The following ICAM1 variants were observed in gnomAD, a reference collection of about 807,000 sequenced individuals.
ICAM1 encodes intercellular adhesion molecule 1.
In ICAM1, 28 loss-of-function variants were observed where a neutral mutation model predicts 42.3. The observed-to-expected ratio is 0.66, with a 90% CI of 0.49 to 0.91. The LOEUF (loss-of-function observed/expected upper bound fraction) is 0.91, where lower values mean the gene tolerates loss of function less well. Among genes scored for constraint, ICAM1 ranks in the 40% least tolerant of loss-of-function variants. The probability of loss-of-function intolerance (pLI) is 0.00; values close to 1 mark genes in which losing one functional copy is unlikely to be tolerated. For missense variants in ICAM1, 637 were observed against 688.6 expected (o/e 0.93, Z 0.84); for synonymous variants, 304 against 305.9 (o/e 0.99, Z 0.07).
Position 10,274,975 on chromosome 19 carries a change from A to G in ICAM1, c.278A>G (p.Tyr93Cys). The G allele has an allele frequency of 1.2e-6, 2 of 1,614,208 alleles. No individual in the cohort carries two copies. Among genetic ancestry groups the G allele is most frequent in the Non-Finnish European group, 8.5e-7 (1 of 1,180,036 alleles). ...NVQEDSQPMC[Y>C]SNCPDGQSTA... is the part of the protein sequence containing the mutation. ...CAAGAAGATAGCCAACCAATGTGCT[A>G]TTCAAACTGCCCTGATGGGCAGTCA... is the stretch of plus-strand genomic sequence containing the variant. The change falls in exon 2 of 7, where the codon TAT becomes TGT. Residue 93 changes from tyrosine (Y) to cysteine (C), a missense_variant. Tyr to Cys is a radical substitution (Grantham distance 194). Transcript: ENST00000264832.
intron 2 of ICAM1, 26 bp downstream of exon 2, chr19:10,275,054 G>T: frequency 6.2e-7 from 1 of 1,609,054 alleles, no homozygotes; most frequent in South Asian, 1.1e-5. Flanking sequence ...CGGAGGGCTG[G>T]ACTAGGCAGA....
intron 1 of ICAM1, among the ~76,000 whole-genome samples, chr19:10,273,352 C>T (rs1256257365): frequency 2.6e-5 from 4 of 151,916 alleles, no homozygotes; most frequent in African/African-American, 4.8e-5. Context: ...ATTACCCGGG[C>T]GTGGTGGCGC....
Position 10,274,983 on chromosome 19 carries a change from T to G in ICAM1, c.286T>G (p.Cys96Gly), listed in dbSNP as rs1375741840. 1 of 1,614,176 alleles carries G rather than the reference T, an allele frequency of 6.2e-7. No individual in the cohort carries two copies. Among genetic ancestry groups the G allele is most frequent in the South Asian group, 1.1e-5 (1 of 91,090 alleles). The part of the protein sequence containing the change: ...EDSQPMCYSN[C>G]PDGQSTAKTF... ...TAGCCAACCAATGTGCTATTCAAACTGCCCTGATGGGCAGTCAACAGCTAA... is the reference window on the plus strand; with the variant it reads ...TAGCCAACCAATGTGCTATTCAAACGGCCCTGATGGGCAGTCAACAGCTAA... The change falls in exon 2 of 7, where the codon TGC becomes GGC. Residue 96 changes from cysteine (C) to glycine (G), a missense_variant. By Grantham distance (159) the Cys-to-Gly change is radical. Transcript: ENST00000264832.
chr19:10,281,880 A>G (rs958347406), intron 2 of ICAM1, among the ~76,000 whole-genome samples: 3 of 152,020 alleles, frequency 2.0e-5, no homozygotes, highest in Non-Finnish European at 4.4e-5. Context: ...AGCTGGGACT[A>G]CAGGCACACA....
chr19:10,284,606 G>A lies in ICAM1; in HGVS notation c.1129G>A (p.Val377Met), dbSNP rs766445571. Reference protein sequence around the residue: ...RSFSCSATLEVAGQLIHKNQT... With the variant: ...RSFSCSATLEMAGQLIHKNQT... The stretch of plus-strand genomic sequence containing the variant: ...CTTCTCCTGCTCTGCAACCCTGGAG[G>A]TGGCCGGCCAGCTTATACACAAGAA... The change falls in exon 5 of 7, where the codon GTG becomes ATG. Residue 377 changes from valine (V) to methionine (M), a missense_variant. Coordinates refer to ENST00000264832, the MANE Select transcript of ICAM1 (RefSeq NM_000201.3). This position sits in a 1 kb window ranked among gnomAD's most constrained non-coding sequence, Gnocchi z 5.4. The A allele has an allele frequency of 1.2e-6, 2 of 1,614,064 alleles. No individual in the cohort carries two copies. The highest frequency in any genetic ancestry group is 1.7e-5 in the Admixed American group (1 of 59,998).
chr19:10,272,975 A>G (rs1239398603), intron 1 of ICAM1, among the ~76,000 whole-genome samples: 1 of 152,120 alleles, frequency 6.6e-6, no homozygotes, highest in Non-Finnish European at 1.5e-5. Context: ...GGGGGAAACT[A>G]CGTGTCTCAG....
At chr19:10,280,967 G>A (rs1174321179) in intron 2 of ICAM1, among the ~76,000 whole-genome samples, 2 of 146,764 alleles carry the variant, frequency 1.4e-5, no homozygotes, top group African/African-American at 2.6e-5. Flanking sequence ...TCCGCCTCCC[G>A]GGTTCACTCC....
chr19:10,272,997 C>A (rs893563139), intron 1 of ICAM1, among the ~76,000 whole-genome samples: 5 of 152,046 alleles, frequency 3.3e-5, no homozygotes, highest in African/African-American at 1.2e-4. Context: ...GAGTGAGGAG[C>A]CAGTCTGATT....
At chr19:10,282,963 A>G (rs1168860390) in intron 2 of ICAM1, 1 of 152,248 alleles carries the variant, frequency 6.6e-6, no homozygotes, top group East Asian at 1.9e-4. Flanking sequence ...CAGTGAGCCA[A>G]GATCATGCCA....
In ICAM1 at chr19:10,284,791, C is replaced by T. The variant is rs1386070565; in HGVS notation, c.1189C>T (p.Arg397Ter). 3.1e-6 allele frequency: 5 copies of T among 1,605,990 alleles called. No individual in the cohort carries two copies. Among genetic ancestry groups the T allele is most frequent in the South Asian group, 1.1e-5 (1 of 90,164 alleles). ...TCATCGTGTTTTTCCAGATGGCCCCCGACTGGACGAGAGGGATTGTCCGGG... is the reference window on the plus strand; with the variant it reads ...TCATCGTGTTTTTCCAGATGGCCCCTGACTGGACGAGAGGGATTGTCCGGG... ...TRELRVLYGPRLDERDCPGNW... is the reference protein window; with the variant it reads ...TRELRVLYGP The change falls in exon 6 of 7, where the codon CGA (arginine) becomes TGA (stop). Residue 397 changes from arginine to a stop codon, truncating the protein, a stop_gained. Transcript: ENST00000264832. LOFTEE classifies it high-confidence loss of function. This position sits in a 1 kb window ranked among gnomAD's most constrained non-coding sequence, Gnocchi z 5.4.
At chr19:10,275,705 CTTT>C (rs568025125) in intron 2 of ICAM1, among the ~76,000 whole-genome samples, 4 of 109,276 alleles carry the variant, frequency 3.7e-5, no homozygotes, top group Non-Finnish European at 3.7e-5. Context: ...CTGTTTCTTT[CTTT>C]TTTTTTTTTT....
chr19:10,275,117 C>G, intron 2 of ICAM1, 89 bp downstream of exon 2: 1 of 1,384,212 alleles, frequency 7.2e-7, no homozygotes, highest in African/African-American at 1.4e-5. Context: ...GGAATCTTTG[C>G]CACTTGCTCG....
At chr19:10,274,312 ATTTTTTTT>A (rs34542691) in intron 1 of ICAM1, among the ~76,000 whole-genome samples, 1 of 134,914 alleles carries the variant, frequency 7.4e-6, no homozygotes, top group African/African-American at 2.8e-5. Flanking sequence ...TTTGCTCATA[ATTTTTTTT>A]TTTTTTTTTT....
intron 1 of ICAM1, among the ~76,000 whole-genome samples, chr19:10,274,416 G>A (rs1312875070): frequency 2.0e-5 from 3 of 150,774 alleles, no homozygotes; most frequent in African/African-American, 7.3e-5. Flanking sequence ...CCAGGTTCAA[G>A]TGATTCTTGT....
Position 10,285,322 on chromosome 19 carries a change from C to T in ICAM1, c.*35C>T. ...GGGACAGGGCCTCTTCCTCGGCCTT[C>T]CCATATTGGTGGCAGTGGTGCCACA... On this transcript the variant is annotated 3_prime_UTR_variant, in exon 7 of 7. Coordinates refer to ENST00000264832, the MANE Select transcript of ICAM1 (RefSeq NM_000201.3). 1.9e-6 allele frequency: 3 copies of T among 1,599,630 alleles called. No individual in the cohort carries two copies. Among genetic ancestry groups the T allele is most frequent in the Non-Finnish European group, 2.6e-6 (3 of 1,170,636 alleles).
chr19:10,278,648 T>C (rs1335259941), intron 2 of ICAM1, among the ~76,000 whole-genome samples: 1 of 144,136 alleles, frequency 6.9e-6, no homozygotes, highest in African/African-American at 2.6e-5. Context: ...TTCAAGCAGT[T>C]CTCCTGCCTC....
chr19:10,274,224 C>T (rs191350626), intron 1 of ICAM1, among the ~76,000 whole-genome samples: 9 of 152,192 alleles, frequency 5.9e-5, no homozygotes. Context: ...ATTACCCTGT[C>T]ACCAAAGCAC....
intron 2 of ICAM1, among the ~76,000 whole-genome samples, chr19:10,277,088 TA>T (rs1486359666): frequency 6.6e-6 from 1 of 152,030 alleles, no homozygotes; most frequent in Non-Finnish European, 1.5e-5. Context: ...AAAATAGCCC[TA>T]AAAGGAAGTG....
chr19:10,285,576 G>C lies in ICAM1; in HGVS notation c.*289G>C, dbSNP rs1000675984. On this transcript the variant is annotated 3_prime_UTR_variant, in exon 7 of 7. Coordinates refer to ENST00000264832, the MANE Select transcript of ICAM1 (RefSeq NM_000201.3). ...GTTAAAGTCTAGCCTGATGAGAGGG[G>C]AAGTGGTGGGGGAGACATAGCCCCA... The C allele has an allele frequency of 1.1e-5, 4 of 370,366 alleles. No homozygotes were observed. The highest frequency in any genetic ancestry group is 8.7e-5 in the Admixed American group (2 of 22,908). 22.9% of individuals were successfully genotyped at this position (370,366 alleles called of 1,614,324 possible).
Sources: allele counts gnomAD v4.1 joint callset (sites outside exome capture counted in the v4.1 genomes callset), GRCh38; gene constraint gnomAD v4.1.1; non-coding constraint Gnocchi (gnomAD v3.1); transcripts MANE v1.5; gene names NCBI Gene and HGNC (gene_info 2026-07-23, HGNC 2026-07-21).